Variants in GSK3B observed in about 807,000 individuals in gnomAD.
GSK3B encodes the protein glycogen synthase kinase 3 beta.
In GSK3B, 15 loss-of-function variants were observed where a neutral mutation model predicts 56.4. That is an observed-to-expected ratio of 0.27 (90% CI 0.18 to 0.41). The LOEUF is 0.41. GSK3B is among the 10% of genes least tolerant of loss of function. The probability of loss-of-function intolerance (pLI) is 1.00; values close to 1 mark genes in which losing one functional copy is unlikely to be tolerated. For synonymous variants in GSK3B, 181 were observed against 188.9 expected (o/e 0.96, Z 0.34); for missense variants, 300 against 513.4 (o/e 0.58, Z 4.02).
At chr3:119,925,067 G>A (rs140714256) in intron 3 of GSK3B, among the ~76,000 whole-genome samples, 50 of 151,716 alleles carry the variant, frequency 3.3e-4, no homozygotes, top group Non-Finnish European at 5.4e-4. Flanking sequence ...GGTGGCTTAC[G>A]CCTGTAATCC....
intron 9 of GSK3B, among the ~76,000 whole-genome samples, chr3:119,850,568 C>T (rs1200261656): frequency 1.3e-5 from 2 of 152,128 alleles, no homozygotes; most frequent in African/African-American, 4.8e-5. Flanking sequence ...CTATGTCAAC[C>T]AGTTCAAAAT....
intron 1 of GSK3B, among the ~76,000 whole-genome samples, chr3:120,004,117 C>T (rs1173321566): frequency 6.6e-6 from 1 of 152,214 alleles, no homozygotes; most frequent in Non-Finnish European, 1.5e-5. Flanking sequence ...CTCGGCGGGT[C>T]CCACGCCCAC....
intron 6 of GSK3B, among the ~76,000 whole-genome samples, chr3:119,908,918 T>C (rs2056708998): frequency 6.6e-6 from 1 of 152,226 alleles, no homozygotes; most frequent in South Asian, 2.1e-4. Context: ...AAATAAAAAA[T>C]GATAATGTGT....
intron 3 of GSK3B, among the ~76,000 whole-genome samples, chr3:119,928,971 A>T (rs948885541): frequency 6.6e-6 from 1 of 152,222 alleles, no homozygotes; most frequent in African/African-American, 2.4e-5. Context: ...TTTCATCCTT[A>T]AAAAATTAGT....
At chr3:119,914,448 C>G (rs1198874067) in intron 5 of GSK3B, among the ~76,000 whole-genome samples, 1 of 152,048 alleles carries the variant, frequency 6.6e-6, no homozygotes, top group Non-Finnish European at 1.5e-5. Flanking sequence ...TATATGAGAA[C>G]AGAAGCTCTT....
intron 1 of GSK3B, among the ~76,000 whole-genome samples, chr3:120,039,226 TCTCA>T (rs2058046615): frequency 6.6e-6 from 1 of 152,212 alleles, no homozygotes; most frequent in Non-Finnish European, 1.5e-5. Context: ...CAACAGGAAC[TCTCA>T]CTCACTGTTT....
At chr3:120,063,553 C>G (rs983053045) in intron 1 of GSK3B, among the ~76,000 whole-genome samples, 1 of 150,876 alleles carries the variant, frequency 6.6e-6, no homozygotes, top group East Asian at 2.0e-4. Context: ...ATGGTGAAAC[C>G]CTGTCTCTAC....
intron 9 of GSK3B, among the ~76,000 whole-genome samples, chr3:119,847,524 G>A (rs2055871852): frequency 1.3e-5 from 2 of 149,474 alleles, no homozygotes; most frequent in South Asian, 4.2e-4. Flanking sequence ...TTTAACAGGG[G>A]AAAAAAAAAC....
chr3:120,048,074 C>T (rs2058118297), intron 1 of GSK3B, among the ~76,000 whole-genome samples: 1 of 152,144 alleles, frequency 6.6e-6, no homozygotes, highest in African/African-American at 2.4e-5. Context: ...CTTCACAGAA[C>T]TATGTAAATA....
rs1370650145 is a variant in GSK3B at position 120,093,738 on chromosome 3, T to TA, written c.-305dup. 9.7e-6 allele frequency: 3 copies of TA among 308,326 alleles called. No homozygotes were observed. Among genetic ancestry groups the TA allele is most frequent in the South Asian group, 1.2e-4 (1 of 8,658 alleles). The allele number at this position is 308,326 out of a possible 1,614,324, so 19.1% of individuals were successfully genotyped here. ...AGGAGAGAAAAGAGAGGGCAAATCC[T>TA]AAAAAAATATGTATCACGTGAAACG... On this transcript the variant is annotated 5_prime_UTR_variant, in exon 1 of 11. Coordinates refer to ENST00000264235, the MANE Select transcript of GSK3B (RefSeq NM_001146156.2).
chr3:119,901,269 G>C (rs2056622531), intron 7 of GSK3B, among the ~76,000 whole-genome samples: 1 of 152,062 alleles, frequency 6.6e-6, no homozygotes, highest in South Asian at 2.1e-4. Context: ...AGCCCCTAAT[G>C]GAATTTGTCT....
chr3:119,984,465 T>C (rs1310258381), intron 2 of GSK3B, among the ~76,000 whole-genome samples: 1 of 148,208 alleles, frequency 6.7e-6, no homozygotes, highest in Non-Finnish European at 1.5e-5. Flanking sequence ...GATAGACCGG[T>C]AGCAAGATTA....
At chr3:120,076,754 C>A (rs945920777) in intron 1 of GSK3B, among the ~76,000 whole-genome samples, 45 of 133,550 alleles carry the variant, frequency 3.4e-4, no homozygotes, top group African/African-American at 1.2e-3. Flanking sequence ...GCGGAGCTTG[C>A]AGTGAGTCGA....
intron 1 of GSK3B, among the ~76,000 whole-genome samples, chr3:120,070,233 C>CA (rs948762423): frequency 1.3e-5 from 1 of 77,638 alleles, no homozygotes; most frequent in Middle Eastern, 6.3e-3. Flanking sequence ...CAAAACAAAA[C>CA]AAAAAACAAA....
chr3:120,026,700 G>C (rs2107516238), intron 1 of GSK3B, among the ~76,000 whole-genome samples: 1 of 151,526 alleles, frequency 6.6e-6, no homozygotes, highest in South Asian at 2.1e-4. Flanking sequence ...TGGGATTACA[G>C]GCGCGCACCA....
At chr3:119,855,949 C>A (rs990432775) in intron 9 of GSK3B, among the ~76,000 whole-genome samples, 60 of 152,178 alleles carry the variant, frequency 3.9e-4, no homozygotes, top group African/African-American at 1.3e-3. Flanking sequence ...GCACGTTGTG[C>A]ACATGTACCC....
chr3:120,075,519 T>C (rs2058361024), intron 1 of GSK3B, among the ~76,000 whole-genome samples: 1 of 152,210 alleles, frequency 6.6e-6, no homozygotes, highest in African/African-American at 2.4e-5. Flanking sequence ...TTAGATTGAA[T>C]AAATTAATTT....
chr3:119,861,589 C>T (rs1358809549), intron 9 of GSK3B, among the ~76,000 whole-genome samples: 5 of 152,026 alleles, frequency 3.3e-5, no homozygotes, highest in Admixed American at 6.6e-5. Flanking sequence ...CACCTCTTCC[C>T]TGGACATCTG....
At chr3:119,834,099 C>T (rs1339494433) in intron 10 of GSK3B, among the ~76,000 whole-genome samples, 2 of 152,068 alleles carry the variant, frequency 1.3e-5, no homozygotes, top group African/African-American at 4.8e-5. Context: ...TATCCTCTTT[C>T]TATAATAGTT....
Sources: allele counts gnomAD v4.1 joint callset (sites outside exome capture counted in the v4.1 genomes callset), GRCh38; gene constraint gnomAD v4.1.1; transcripts MANE v1.5; gene names NCBI Gene and HGNC (gene_info 2026-07-23, HGNC 2026-07-21).